The following CHCHD6 variants were observed in gnomAD, a reference collection of about 807,000 sequenced individuals.
The protein encoded by CHCHD6 is MICOS complex subunit MIC25.
Under a neutral mutation model 32.3 loss-of-function variants are expected in CHCHD6, and 28 were observed. The observed-to-expected ratio is 0.87, with a 90% CI of 0.64 to 1.19. The LOEUF (loss-of-function observed/expected upper bound fraction) is 1.19, where lower values mean the gene tolerates loss of function less well. CHCHD6 is among the 50% of genes most tolerant of loss of function. CHCHD6 has a pLI of 0.00. For synonymous variants in CHCHD6, 122 were observed against 117.5 expected, an observed-to-expected ratio of 1.04 and a Z score of -0.25; for missense variants, 333 against 307.0, an observed-to-expected ratio of 1.08 and a Z score of -0.63.
intron 3 of CHCHD6, among the ~76,000 whole-genome samples, chr3:126,731,976 G>A (rs533503595): frequency 3.8e-4 from 58 of 151,840 alleles, no homozygotes; most frequent in Admixed American, 8.5e-4. Context: ...CTGCTCAAGA[G>A]GCTGAGGTGG....
rs938067847 is a variant in CHCHD6 at position 126,912,884 on chromosome 3, G to A, written c.496-1796G>A. Among the ~76,000 whole-genome samples the A allele has an allele frequency of 2.0e-5, 3 of 152,318 alleles. No individual in the cohort carries two copies. The South Asian group carries it at 6.2e-4, about 32-fold the overall frequency. ...ATGCCCTATGGCCTTAGAGGTGGGG[G>A]GTCCATCCCTGCCTCAGTTACCTTC... On this transcript the variant is annotated intron_variant, in intron 5 of 7. Transcript: ENST00000290913.
chr3:126,736,485 A>G (rs896569451), intron 4 of CHCHD6, among the ~76,000 whole-genome samples: 1 of 152,170 alleles, frequency 6.6e-6, no homozygotes, highest in African/African-American at 2.4e-5. Context: ...GCCGCTTAAT[A>G]TGTAATGTGC....
intron 5 of CHCHD6, among the ~76,000 whole-genome samples, chr3:126,872,733 G>A (rs751799427): frequency 1.3e-5 from 2 of 152,146 alleles, no homozygotes; most frequent in East Asian, 3.9e-4. Context: ...TCCCTGGAGA[G>A]CCCTGGTTTT....
intron 6 of CHCHD6, among the ~76,000 whole-genome samples, chr3:126,922,150 C>G (rs2078259526): frequency 6.6e-6 from 1 of 152,176 alleles, no homozygotes; most frequent in Non-Finnish European, 1.5e-5. Flanking sequence ...TTTAACTAAT[C>G]AAAATTTAGT....
chr3:126,805,061 C>A (rs145719653), intron 4 of CHCHD6, among the ~76,000 whole-genome samples: 3,145 of 152,032 alleles, frequency 0.021, 39 homozygotes, highest in Middle Eastern at 0.051. Flanking sequence ...CAAAATAATA[C>A]GAGATATTTA....
intron 4 of CHCHD6, among the ~76,000 whole-genome samples, chr3:126,792,354 C>T (rs1238339710): frequency 1.3e-5 from 2 of 151,412 alleles, no homozygotes; most frequent in African/African-American, 4.9e-5. Context: ...AAACACCAAA[C>T]TGTTTTCTGT....
chr3:126,897,839 C>T (rs1450647069), intron 5 of CHCHD6, among the ~76,000 whole-genome samples: 1 of 152,272 alleles, frequency 6.6e-6, no homozygotes, highest in Admixed American at 6.5e-5. Flanking sequence ...CTGCCTGGCA[C>T]TTTATGGGCA....
intron 5 of CHCHD6, among the ~76,000 whole-genome samples, chr3:126,857,380 G>T (rs1050692218): frequency 3.3e-5 from 5 of 152,220 alleles, no homozygotes; most frequent in African/African-American, 4.8e-5. Context: ...CCTGGACTTT[G>T]TCTCCTTTCC....
intron 6 of CHCHD6, 181 bp from the exon 7 acceptor site, chr3:126,957,235 A>C: frequency 4.4e-6 from 3 of 687,140 alleles, no homozygotes; most frequent in Non-Finnish European, 4.9e-6. Context: ...TGACCCTGCG[A>C]CCGTCCTCTC....
chr3:126,890,447 T>A (rs2077741329), intron 5 of CHCHD6, among the ~76,000 whole-genome samples: 1 of 152,030 alleles, frequency 6.6e-6, no homozygotes, highest in African/African-American at 2.4e-5. Flanking sequence ...ACAGGCACAT[T>A]GGGTTAGTTC....
intron 6 of CHCHD6, among the ~76,000 whole-genome samples, chr3:126,928,217 G>T (rs1175772339): frequency 6.6e-6 from 1 of 152,254 alleles, no homozygotes; most frequent in Non-Finnish European, 1.5e-5. Flanking sequence ...TTGGACCAGG[G>T]TGGATGTTGC....
intron 2 of CHCHD6, among the ~76,000 whole-genome samples, chr3:126,727,604 C>T (rs554278945): frequency 1.3e-5 from 2 of 152,310 alleles, no homozygotes; most frequent in South Asian, 2.1e-4. Flanking sequence ...GTGATTTAGG[C>T]GCCTACCGCA....
chr3:126,839,040 C>T (rs1437692963), intron 4 of CHCHD6, among the ~76,000 whole-genome samples: 2 of 151,964 alleles, frequency 1.3e-5, no homozygotes, highest in African/African-American at 4.8e-5. Context: ...AGGCATGCAC[C>T]ACTATGCCCA....
chr3:126,941,811 T>C (rs1179169438), intron 6 of CHCHD6, among the ~76,000 whole-genome samples: 1 of 152,184 alleles, frequency 6.6e-6, no homozygotes, highest in Non-Finnish European at 1.5e-5. Flanking sequence ...AATACTTCCA[T>C]GCACCATGGG....
chr3:126,760,050 CT>C (rs921423603), intron 4 of CHCHD6, among the ~76,000 whole-genome samples: 16 of 152,170 alleles, frequency 1.1e-4, no homozygotes, highest in African/African-American at 3.1e-4. Context: ...TGAAAACTTG[CT>C]CACTGTGGTG....
rs1576575392 is a variant in CHCHD6 at position 126,899,890 on chromosome 3, A to G, written c.496-14790A>G. Among the ~76,000 whole-genome samples, 9 of 152,308 alleles carry G rather than the reference A, an allele frequency of 5.9e-5. 1 individual carries two copies. Among genetic ancestry groups the G allele is most frequent in the Admixed American group, 5.9e-4 (9 of 15,298 alleles). ...CTAGCCACTTGATTTGTACAGCACC[A>G]CTGGATGTTGAAGCTGTGAGAGCCA... On this transcript the variant is annotated intron_variant, in intron 5 of 7. Coordinates refer to ENST00000290913, the MANE Select transcript of CHCHD6 (RefSeq NM_032343.3).
At chr3:126,773,868 A>G (rs1937589311) in intron 4 of CHCHD6, among the ~76,000 whole-genome samples, 1 of 151,842 alleles carries the variant, frequency 6.6e-6, no homozygotes, top group Non-Finnish European at 1.5e-5. Context: ...GGCCTCCCAA[A>G]GTGCTGGGAT....
At chr3:126,787,843 C>T (rs1423088267) in intron 4 of CHCHD6, among the ~76,000 whole-genome samples, 1 of 152,140 alleles carries the variant, frequency 6.6e-6, no homozygotes, top group Admixed American at 6.6e-5. Context: ...ATTGCCCTGG[C>T]CAGAACTTCC....
chr3:126,932,637 C>T (rs1246584243), intron 6 of CHCHD6, among the ~76,000 whole-genome samples: 3 of 152,310 alleles, frequency 2.0e-5, no homozygotes, highest in East Asian at 1.9e-4. Context: ...GAGCCCTTCC[C>T]GCAGGAAGGA....
Sources: gnomAD v4.1 joint callset for allele counts (sites outside exome capture counted in the v4.1 genomes callset) on GRCh38, gnomAD v4.1.1 for gene constraint, MANE v1.5 for transcripts, NCBI Gene and HGNC (gene_info 2026-07-23, HGNC 2026-07-21) for gene names.